The following RAPGEF3 variants were observed in gnomAD, a reference collection of about 807,000 sequenced individuals.
RAPGEF3 encodes the protein Rap guanine nucleotide exchange factor 3.
In RAPGEF3, 103 loss-of-function variants were observed where a neutral mutation model predicts 129.8. The observed-to-expected ratio is 0.79, with a 90% confidence interval of 0.68 to 0.93. The LOEUF (loss-of-function observed/expected upper bound fraction) is 0.93, where lower values mean the gene tolerates loss of function less well. Ranked by LOEUF, RAPGEF3 falls within the 40% of genes least tolerant of loss-of-function variation. The pLI, the probability that RAPGEF3 is intolerant of heterozygous loss-of-function variation, is 0.00. For missense variants in RAPGEF3, 1,117 were observed against 1,207.4 expected, an observed-to-expected ratio of 0.93 and a Z score of 1.11; for synonymous variants, 436 against 482.6, an observed-to-expected ratio of 0.90 and a Z score of 1.26.
In RAPGEF3 at chr12:47,736,734, G is replaced by A. The variant is rs1940812713; in HGVS notation, c.*833C>T. On this transcript the variant is annotated 3_prime_UTR_variant, in exon 28 of 28. Transcript: ENST00000449771. ...ACGAGCTCAAGTGTGGAAAAGCGGG[G>A]ATTGCAGTTGGGAAGAAGCTGTCAG... is the stretch of plus-strand genomic sequence containing the variant. 1 of 152,460 alleles carries A rather than the reference G, an allele frequency of 6.6e-6. No individual in the cohort carries two copies. Among genetic ancestry groups the A allele is most frequent in the Non-Finnish European group, 1.5e-5 (1 of 68,216 alleles). 9.4% of individuals were successfully genotyped at this position (152,460 alleles called of 1,614,324 possible). A position where few individuals can be genotyped will look rare whatever the true frequency, so the allele number is the denominator to read the frequency against.
At chr12:47,746,236 T>G in intron 16 of RAPGEF3, 3 of 202,174 alleles carry the variant, frequency 1.5e-5, no homozygotes, top group Non-Finnish European at 2.0e-5. Context: ...CCAGTAAGAG[T>G]CTCCAGCAGG....
At position 47,738,710 on chromosome 12, in the gene RAPGEF3, G is replaced by C. The variant is rs1258787036; in HGVS notation, c.2506C>G (p.Leu836Val). ...CTCACCATCTTCTCAAAGTTGATGA[G>C]ATTCTCCACTAGTGTGTGGTTTCCC... is the stretch of plus-strand genomic sequence containing the variant. ...HEGNHTLVEN[L>V]INFEKMRMMA... Residue 836 changes from leucine (L) to valine (V), a missense_variant, in exon 25 of 28, where the codon CTC becomes GTC. This residue lies in a region of RAPGEF3 where 643 missense variants were observed against 673.4 expected (regional missense o/e 0.95). Transcript: ENST00000449771. 1.2e-6 allele frequency: 2 copies of C among 1,609,352 alleles called. No homozygotes were observed. Among genetic ancestry groups the C allele is most frequent in the Non-Finnish European group, 1.7e-6 (2 of 1,175,750 alleles).
In RAPGEF3 at chr12:47,740,725, G is replaced by A. The variant is rs775139886; in HGVS notation, c.2148C>T (p.Tyr716=). ...RFMRRFNELQ[Y]WVATELCLCP... ...AGAGACACAGCTCGGTGGCCACCCA[G>A]TACTGCAGCTCATTGAAGCGGCGCA... Residue 716 remains tyrosine (Y), a synonymous_variant, in exon 21 of 28, where the codon TAC becomes TAT. Transcript: ENST00000449771. The A allele has an allele frequency of 6.2e-7, 1 of 1,614,036 alleles. No homozygotes were observed. Among genetic ancestry groups the A allele is most frequent in the Non-Finnish European group, 8.5e-7 (1 of 1,179,988 alleles).
chr12:47,753,047 G>C (rs1046351652), intron 2 of RAPGEF3, among the ~76,000 whole-genome samples: 1 of 152,110 alleles, frequency 6.6e-6, no homozygotes, highest in African/African-American at 2.4e-5. Flanking sequence ...TACCATCTAC[G>C]AGCCCTCTCA....
intron 23 of RAPGEF3, 179 bp downstream of exon 23, chr12:47,739,962 T>C: frequency 2.8e-6 from 2 of 726,986 alleles, no homozygotes; most frequent in South Asian, 1.7e-5. Flanking sequence ...CACCCCTTCC[T>C]CAGCCAGCTC....
rs2136833674 is a variant in RAPGEF3, at chr12:47,758,623, C to T, written c.-67G>A. 3 of 1,608,152 alleles carry T rather than the reference C, an allele frequency of 1.9e-6. No individual in the cohort carries two copies. Among genetic ancestry groups the T allele is most frequent in the East Asian group, 4.5e-5 (2 of 44,788 alleles). ...AGGCTGGGGGGTCCCCAGCGACCCC[C>T]ATCAGCTTTGATAAGGGGATCCGGA... On this transcript the variant is annotated 5_prime_UTR_variant, in exon 1 of 28. The change abolishes an upstream ATG in the 5' untranslated region. Transcript: ENST00000449771.
rs549848412 is a variant in RAPGEF3, at chr12:47,743,581, C to T, written c.1774G>A (p.Glu592Lys). 27 of 1,614,206 alleles carry T rather than the reference C, an allele frequency of 1.7e-5. No individual in the cohort carries two copies. In the South Asian group the frequency reaches 2.0e-4, roughly 12 times the overall value. ...VREVMAALAQEDGWTKGQVLV... is the reference protein window; with the variant it reads ...VREVMAALAQKDGWTKGQVLV... ...ACCTGCCCCTTGGTCCAGCCATCCT[C>T]CTGGGCCAACGCTGCCATCACCTCT... Residue 592 changes from glutamate (E) to lysine (K), a missense_variant, in exon 18 of 28, where the codon GAG becomes AAG. Glu to Lys is a moderately conservative substitution (Grantham distance 56). Transcript: ENST00000449771.
chr12:47,739,929 G>A (rs1941041739), intron 23 of RAPGEF3: 1 of 625,186 alleles, frequency 1.6e-6, no homozygotes, highest in East Asian at 2.8e-5. Flanking sequence ...GATGCACCGT[G>A]CAACCCCTAT....
chr12:47,754,184 C>G (rs1941918950), intron 2 of RAPGEF3, among the ~76,000 whole-genome samples: 1 of 152,256 alleles, frequency 6.6e-6, no homozygotes, highest in African/African-American at 2.4e-5. Flanking sequence ...ATGTCTGATT[C>G]CAAAGGCCAT....
At chr12:47,738,318 G>A (rs1940924314) in intron 25 of RAPGEF3, 71 bp from the exon 26 acceptor site, 3 of 1,579,254 alleles carry the variant, frequency 1.9e-6, no homozygotes, top group Non-Finnish European at 2.6e-6. Flanking sequence ...CAGCAGCAGG[G>A]AGGCCAAGCT....
chr12:47,740,202 G>T lies in RAPGEF3; in HGVS notation c.2323-11C>A, dbSNP rs375764594. On this transcript the variant is annotated splice_polypyrimidine_tract_variant and intron_variant, in intron 22 of 27. Coordinates refer to ENST00000449771, the MANE Select transcript of RAPGEF3 (RefSeq NM_001098531.4). ...TTTGTGAGGCAGCCGCTGTGAAAAG[G>T]AGGCAGATGAGCGGCTGCTCTGGGG... 43 of 1,613,744 alleles carry T rather than the reference G, an allele frequency of 2.7e-5. No individual in the cohort carries two copies. The highest frequency in any genetic ancestry group is 3.6e-5 in the Non-Finnish European group (42 of 1,179,922).
chr12:47,738,868 G>A, intron 24 of RAPGEF3, 114 bp from the exon 25 acceptor site: 1 of 957,338 alleles, frequency 1.0e-6, no homozygotes. Context: ...TAGAGCCCCT[G>A]CCTCTGCCCC....
Position 47,751,067 on chromosome 12 carries a change from T to C in RAPGEF3, c.652A>G (p.Thr218Ala), listed in dbSNP as rs138831127. The stretch of plus-strand genomic sequence containing the variant: ...ACTCACGGCTTTCGAAGTGCCACAG[T>C]GAGCAGGGCGTCAGGCCCCCGCTGG... ...LSQRGPDALL[T>A]VALRKPPGQR... The change falls in exon 6 of 28, where the codon ACT (threonine) becomes GCT (alanine). Residue 218 changes from threonine to alanine, a missense_variant. This residue lies in a region of RAPGEF3 where 367 missense variants were observed against 373.4 expected (regional missense o/e 0.98). Transcript: ENST00000449771. The C allele has an allele frequency of 2.5e-4, 397 of 1,596,924 alleles. 5 individuals are homozygous for C. In the African/African-American group the frequency reaches 4.8e-3, roughly 19 times the overall value.
intron 11 of RAPGEF3, 81 bp from the exon 12 acceptor site, chr12:47,748,623 A>T: frequency 7.6e-7 from 1 of 1,315,436 alleles, no homozygotes; most frequent in Admixed American, 1.9e-5. Context: ...AATCAATTAC[A>T]TCATTTTTCT....
At chr12:47,746,763 G>T in intron 16 of RAPGEF3, 97 bp downstream of exon 16, 1 of 1,319,888 alleles carries the variant, frequency 7.6e-7, no homozygotes, top group Non-Finnish European at 1.1e-6. Context: ...TGGGAGGAGA[G>T]CTTCCCACGC....
At chr12:47,737,786 C>G in intron 27 of RAPGEF3, 101 bp from the exon 28 acceptor site, 3 of 1,206,454 alleles carry the variant, frequency 2.5e-6, no homozygotes. Context: ...TGCCCTCCAC[C>G]ACCCACCAAC....
intron 2 of RAPGEF3, among the ~76,000 whole-genome samples, chr12:47,756,688 C>T (rs940471826): frequency 3.9e-5 from 6 of 152,086 alleles, no homozygotes; most frequent in African/African-American, 9.7e-5. Context: ...AGTGAACTCT[C>T]GGCTAGGCGC....
chr12:47,736,199 C>G lies in RAPGEF3; in HGVS notation c.*1368G>C, dbSNP rs1405285300. 1 of 152,308 alleles carries G rather than the reference C, an allele frequency of 6.6e-6. No homozygotes were observed. The highest frequency in any genetic ancestry group is 1.5e-5 in the Non-Finnish European group (1 of 68,078). 9.4% of individuals were successfully genotyped at this position (152,308 alleles called of 1,614,324 possible). ...TCAGATTCACTTAGTGACCTGAGGT[C>G]TAAGCCCAGCTGTGCTGCCTCCCTG... On this transcript the variant is annotated 3_prime_UTR_variant, in exon 28 of 28. Coordinates refer to ENST00000449771, the MANE Select transcript of RAPGEF3 (RefSeq NM_001098531.4).
chr12:47,739,039 A>G, intron 24 of RAPGEF3, 104 bp downstream of exon 24: 1 of 1,033,522 alleles, frequency 9.7e-7, no homozygotes, highest in Admixed American at 2.3e-5. Flanking sequence ...GAGTGGGTGC[A>G]CACACAGATA....
Sources: gnomAD v4.1 joint callset for allele counts (sites outside exome capture counted in the v4.1 genomes callset) on GRCh38, gnomAD v4.1.1 for gene constraint, gnomAD v4.1.1 regional missense constraint, MANE v1.5 for transcripts, NCBI Gene and HGNC (gene_info 2026-07-23, HGNC 2026-07-21) for gene names.